The following DPP10 variants were observed in gnomAD, a reference collection of about 807,000 sequenced individuals.
The protein encoded by DPP10 is dipeptidyl peptidase like 10.
Under a neutral mutation model 120.9 loss-of-function variants are expected in DPP10, and 33 were observed. The observed-to-expected ratio is 0.27, with a 90% CI of 0.21 to 0.37. The LOEUF is 0.37. Ranked by LOEUF, DPP10 falls within the 10% of genes least tolerant of loss-of-function variation. The pLI is 1.00. For missense variants in DPP10, 816 were observed against 942.8 expected (o/e 0.87, Z 1.76); for synonymous variants, 337 against 326.1 (o/e 1.03, Z -0.36).
intron 3 of DPP10, among the ~76,000 whole-genome samples, chr2:115,446,484 T>G (rs2104922428): frequency 6.6e-6 from 1 of 152,314 alleles, no homozygotes; most frequent in South Asian, 2.1e-4. Context: ...AAGACACTTT[T>G]ATTTTTTAAT....
chr2:114,495,899 C>G (rs149469968), intron 1 of DPP10, among the ~76,000 whole-genome samples: 178 of 152,308 alleles, frequency 1.2e-3, no homozygotes, highest in African/African-American at 3.8e-3. Context: ...TACACACACA[C>G]AGAAATTTTT....
chr2:115,190,239 A>G (rs1295963556), intron 1 of DPP10, among the ~76,000 whole-genome samples: 1 of 152,106 alleles, frequency 6.6e-6, no homozygotes, highest in Non-Finnish European at 1.5e-5. Flanking sequence ...TCCTGCAGCT[A>G]TTTGATCTTG....
chr2:114,864,719 A>G (rs1690086694), intron 1 of DPP10, among the ~76,000 whole-genome samples: 1 of 152,194 alleles, frequency 6.6e-6, no homozygotes, highest in African/African-American at 2.4e-5. Context: ...ACTGGAGTTA[A>G]ATTCAGAGGG....
At chr2:114,834,255 T>A (rs1687418239) in intron 1 of DPP10, among the ~76,000 whole-genome samples, 1 of 150,428 alleles carries the variant, frequency 6.6e-6, no homozygotes, top group African/African-American at 2.5e-5. Context: ...TATGTATATA[T>A]AAGACATATC....
At chr2:115,047,052 T>C (rs1453276938) in intron 1 of DPP10, among the ~76,000 whole-genome samples, 1 of 151,994 alleles carries the variant, frequency 6.6e-6, no homozygotes, top group Admixed American at 6.6e-5. Context: ...ATCACTCCTA[T>C]AATATTTTTA....
intron 1 of DPP10, among the ~76,000 whole-genome samples, chr2:114,848,561 A>G (rs1341783433): frequency 6.6e-6 from 1 of 152,188 alleles, no homozygotes. Flanking sequence ...CTGATATTTC[A>G]CATTTTTGAG....
chr2:114,741,808 G>C (rs998860813), intron 1 of DPP10, among the ~76,000 whole-genome samples: 1 of 152,166 alleles, frequency 6.6e-6, no homozygotes, highest in Admixed American at 6.5e-5. Context: ...GGGTGCCCAG[G>C]ACCACCAGAA....
intron 19 of DPP10, among the ~76,000 whole-genome samples, chr2:115,800,617 G>A (rs1346273473): frequency 6.6e-6 from 1 of 152,026 alleles, no homozygotes; most frequent in East Asian, 1.9e-4. Context: ...TTTGTATAAG[G>A]TGTAAGGGAG....
At chr2:115,782,313 A>T in intron 16 of DPP10, 39 bp from the exon 17 acceptor site, 1 of 1,541,540 alleles carries the variant, frequency 6.5e-7, no homozygotes, top group Non-Finnish European at 8.9e-7. Flanking sequence ...TTACTTAGAC[A>T]TCTTTAAAAA....
At chr2:114,871,672 T>C (rs555712270) in intron 1 of DPP10, among the ~76,000 whole-genome samples, 3 of 152,308 alleles carry the variant, frequency 2.0e-5, no homozygotes, top group African/African-American at 7.2e-5. Flanking sequence ...AGGGGGTACA[T>C]GTTTAGGTTT....
At chr2:115,798,609 A>G (rs935700079) in intron 19 of DPP10, among the ~76,000 whole-genome samples, 2 of 152,142 alleles carry the variant, frequency 1.3e-5, no homozygotes, top group Non-Finnish European at 2.9e-5. Flanking sequence ...CAACATACAT[A>G]TATTTTTGAG....
chr2:115,433,182 G>A (rs2071164100), intron 3 of DPP10, among the ~76,000 whole-genome samples: 2 of 151,906 alleles, frequency 1.3e-5, no homozygotes, highest in Non-Finnish European at 2.9e-5. Context: ...TTCTCGTAAT[G>A]TAACAATTTT....
chr2:114,494,212 C>A (rs1045418019), intron 1 of DPP10, among the ~76,000 whole-genome samples: 1 of 151,188 alleles, frequency 6.6e-6, no homozygotes, highest in Non-Finnish European at 1.5e-5. Flanking sequence ...GCAGTGTGAT[C>A]TTGGGCAAGT....
intron 1 of DPP10, among the ~76,000 whole-genome samples, chr2:114,497,270 TACATGTATAC>T (rs1682669553): frequency 4.1e-5 from 4 of 98,302 alleles, no homozygotes; most frequent in South Asian, 9.1e-4. Context: ...TGTATACATG[TACATGTATAC>T]GTGTATACAT....
chr2:115,015,537 A>G (rs547939567), intron 1 of DPP10, among the ~76,000 whole-genome samples: 5 of 152,312 alleles, frequency 3.3e-5, no homozygotes, highest in African/African-American at 1.2e-4. Flanking sequence ...AGTGTATTCA[A>G]ATAGGAAGAG....
intron 7 of DPP10, among the ~76,000 whole-genome samples, chr2:115,718,034 A>G (rs561437898): frequency 1.3e-5 from 2 of 152,190 alleles, no homozygotes; most frequent in African/African-American, 4.8e-5. Context: ...GGTAGCCGGT[A>G]TAGAGAAAAT....
chr2:115,186,548 T>A (rs1000859257), intron 1 of DPP10, among the ~76,000 whole-genome samples: 1 of 152,196 alleles, frequency 6.6e-6, no homozygotes, highest in African/African-American at 2.4e-5. Context: ...GGAGGTGACC[T>A]GTGACCTAAA....
intron 1 of DPP10, among the ~76,000 whole-genome samples, chr2:114,681,678 G>T (rs1008387361): frequency 6.6e-6 from 1 of 151,956 alleles, no homozygotes; most frequent in Non-Finnish European, 1.5e-5. Flanking sequence ...TGCTTTGAAA[G>T]AATACATTTT....
At chr2:114,477,874 T>TATATGTGTATATATGTAC (rs1423986311) in intron 1 of DPP10, among the ~76,000 whole-genome samples, 44 of 147,986 alleles carry the variant, frequency 3.0e-4, no homozygotes, top group South Asian at 1.7e-3. Context: ...TATATGTACA[T>TATATGTGTATATATGTAC]ATATGTGTAT....
Sources: gnomAD v4.1 joint callset for allele counts (sites outside exome capture counted in the v4.1 genomes callset) on GRCh38, gnomAD v4.1.1 for gene constraint, MANE v1.5 for transcripts, NCBI Gene and HGNC (gene_info 2026-07-23, HGNC 2026-07-21) for gene names.